EPHA6: variants seen among roughly 807,000 people sequenced by gnomAD.
The protein encoded by EPHA6 is EPH receptor A6, also known as ephrin type-A receptor 6.
Under a neutral mutation model 112.0 loss-of-function variants are expected in EPHA6, and 50 were observed. The ratio of observed to expected loss-of-function variants is 0.45; its 90% CI spans 0.36 to 0.56. The LOEUF is 0.56. Among genes scored for constraint, EPHA6 ranks in the 20% least tolerant of loss-of-function variants. The pLI is 0.00. For synonymous variants in EPHA6, 529 were observed against 490.7 expected (o/e 1.08, Z -1.03); for missense variants, 1,280 against 1,417.4 (o/e 0.90, Z 1.56).
intron 1 of EPHA6, among the ~76,000 whole-genome samples, chr3:96,824,546 G>C (rs2033514433): frequency 6.6e-6 from 1 of 151,876 alleles, no homozygotes; most frequent in South Asian, 2.1e-4. Context: ...ATTTTTAAAT[G>C]AAATATTTTG....
chr3:97,289,238 ATATTAAGTTAATTT>A (rs2080592261), intron 5 of EPHA6, among the ~76,000 whole-genome samples: 1 of 152,136 alleles, frequency 6.6e-6, no homozygotes, highest in Non-Finnish European at 1.5e-5. Context: ...TCTTTAACCC[ATATTAAGTTAATTT>A]TTGTATAAGG....
At chr3:97,028,487 A>G (rs2044717185) in intron 3 of EPHA6, among the ~76,000 whole-genome samples, 2 of 152,138 alleles carry the variant, frequency 1.3e-5, no homozygotes, top group Non-Finnish European at 2.9e-5. Flanking sequence ...ATTACTTAAA[A>G]CATTCAGAAA....
intron 5 of EPHA6, among the ~76,000 whole-genome samples, chr3:97,271,752 T>C (rs887542396): frequency 5.9e-5 from 9 of 152,254 alleles, no homozygotes; most frequent in Non-Finnish European, 1.2e-4. Flanking sequence ...TAGCAATTAA[T>C]GTGATAAATA....
chr3:97,538,929 A>T (rs2107666600), intron 11 of EPHA6, among the ~76,000 whole-genome samples: 1 of 152,244 alleles, frequency 6.6e-6, no homozygotes, highest in Admixed American at 6.5e-5. Flanking sequence ...TTAATCATTA[A>T]TCTAGTAATA....
At chr3:97,590,894 G>T (rs1347526295) in intron 11 of EPHA6, among the ~76,000 whole-genome samples, 3 of 152,134 alleles carry the variant, frequency 2.0e-5, no homozygotes, top group Non-Finnish European at 4.4e-5. Flanking sequence ...ATGAAACATT[G>T]CAATGTGGAA....
intron 1 of EPHA6, among the ~76,000 whole-genome samples, chr3:96,864,234 G>T (rs1289119894): frequency 6.6e-6 from 1 of 151,958 alleles, no homozygotes; most frequent in Non-Finnish European, 1.5e-5. Context: ...TAACCCTGGA[G>T]AAATAAAAGC....
intron 1 of EPHA6, among the ~76,000 whole-genome samples, chr3:96,847,559 TTAAA>T (rs773011585): frequency 9.1e-4 from 139 of 152,102 alleles, no homozygotes; most frequent in African/African-American, 2.8e-3. Context: ...CATGCTATGC[TTAAA>T]TAAACAGGTA....
intron 3 of EPHA6, among the ~76,000 whole-genome samples, chr3:97,177,995 T>C (rs1040157105): frequency 1.3e-5 from 2 of 151,930 alleles, no homozygotes; most frequent in Non-Finnish European, 2.9e-5. Flanking sequence ...ATTTTGTGAC[T>C]TGGTTTTCTG....
At chr3:97,166,065 A>G (rs914502104) in intron 3 of EPHA6, among the ~76,000 whole-genome samples, 32 of 152,142 alleles carry the variant, frequency 2.1e-4, no homozygotes, top group Admixed American at 1.2e-3. Flanking sequence ...ATGGACCACT[A>G]TGTTTTTTAA....
intron 5 of EPHA6, among the ~76,000 whole-genome samples, chr3:97,311,593 A>G (rs1423093352): frequency 6.6e-6 from 1 of 151,754 alleles, no homozygotes; most frequent in East Asian, 1.9e-4. Flanking sequence ...AGAAATTTAA[A>G]AATTCAAATG....
intron 3 of EPHA6, among the ~76,000 whole-genome samples, chr3:97,217,877 G>T (rs1401108972): frequency 6.6e-6 from 1 of 152,050 alleles, no homozygotes; most frequent in South Asian, 2.1e-4. Flanking sequence ...TAGAAACCAG[G>T]TATTGTCATA....
chr3:97,076,713 C>T (rs935908139), intron 3 of EPHA6, among the ~76,000 whole-genome samples: 2 of 152,114 alleles, frequency 1.3e-5, no homozygotes, highest in Non-Finnish European at 2.9e-5. Context: ...CTTCAAAGGA[C>T]AGACTGACAC....
intron 3 of EPHA6, among the ~76,000 whole-genome samples, chr3:97,097,940 C>T (rs1431893537): frequency 6.6e-6 from 1 of 151,780 alleles, no homozygotes; most frequent in Non-Finnish European, 1.5e-5. Context: ...AGTTCTACTC[C>T]TGTCAAATTA....
chr3:97,576,821 A>AT (rs2093391102), intron 11 of EPHA6, among the ~76,000 whole-genome samples: 1 of 152,204 alleles, frequency 6.6e-6, no homozygotes, highest in Admixed American at 6.6e-5. Flanking sequence ...AAGACAAAAA[A>AT]AAATGAACTC....
intron 14 of EPHA6, among the ~76,000 whole-genome samples, chr3:97,638,654 T>A (rs2093972819): frequency 6.6e-6 from 1 of 152,174 alleles, no homozygotes; most frequent in African/African-American, 2.4e-5. Context: ...ACAAATTATA[T>A]CAGTTCAATT....
chr3:97,192,073 T>A (rs2077321076), intron 3 of EPHA6, among the ~76,000 whole-genome samples: 2 of 152,208 alleles, frequency 1.3e-5, no homozygotes, highest in Admixed American at 1.3e-4. Context: ...TGCATTTCTG[T>A]GATAATCAAT....
chr3:97,442,493 GA>G (rs1293965008), intron 6 of EPHA6, among the ~76,000 whole-genome samples: 1 of 152,100 alleles, frequency 6.6e-6, no homozygotes, highest in African/African-American at 2.4e-5. Flanking sequence ...GGCTGAGGCA[GA>G]AGAATCGCTT....
Position 97,761,220 on chromosome 3 carries a change from C to T in EPHA6, c.*12519C>T, listed in dbSNP as rs1026466809. The T allele has an allele frequency of 5.1e-6, 1 of 197,132 alleles. No homozygotes were observed. Among genetic ancestry groups the T allele is most frequent in the East Asian group, 7.9e-5 (1 of 12,630 alleles). 12.2% of individuals were successfully genotyped at this position (197,132 alleles called of 1,614,324 possible). A position where few individuals can be genotyped will look rare whatever the true frequency, so the allele number is the denominator to read the frequency against. ...CAAAAATCTACTATAATATTAATAA[C>T]TTTCCATGTAAATTTTCATGTGCTG... On this transcript the variant is annotated 3_prime_UTR_variant, in exon 18 of 18. Coordinates refer to ENST00000389672, the MANE Select transcript of EPHA6 (RefSeq NM_001080448.3).
At chr3:97,199,333 T>C (rs2077520078) in intron 3 of EPHA6, among the ~76,000 whole-genome samples, 1 of 152,122 alleles carries the variant, frequency 6.6e-6, no homozygotes, top group Non-Finnish European at 1.5e-5. Flanking sequence ...AAGAATGCAC[T>C]TATAGGACAC....
Sources: gnomAD v4.1 joint callset for allele counts (sites outside exome capture counted in the v4.1 genomes callset) on GRCh38, gnomAD v4.1.1 for gene constraint, MANE v1.5 for transcripts, NCBI Gene and HGNC (gene_info 2026-07-23, HGNC 2026-07-21) for gene names.